Variants in CSMD1 observed in about 807,000 individuals in gnomAD.
CSMD1 encodes CUB and sushi domain-containing protein 1.
In CSMD1, 213 loss-of-function variants were observed where a neutral mutation model predicts 417.5. The ratio of observed to expected loss-of-function variants is 0.51; its 90% CI spans 0.46 to 0.57. The LOEUF is 0.57. Among genes scored for constraint, CSMD1 ranks in the 20% least tolerant of loss-of-function variants. The probability of loss-of-function intolerance (pLI) is 0.00; values close to 1 mark genes in which losing one functional copy is unlikely to be tolerated. For synonymous variants in CSMD1, 2,862 were observed against 1,736.8 expected (o/e 1.65, Z -16.11); for missense variants, 6,923 against 4,529.7 (o/e 1.53, Z -15.17).
chr8:4,866,861 A>G (rs1264826379), intron 1 of CSMD1, among the ~76,000 whole-genome samples: 13 of 152,036 alleles, frequency 8.6e-5, no homozygotes, highest in East Asian at 1.9e-4. Flanking sequence ...TACCATTAAT[A>G]TAAAACTTTT....
chr8:4,470,013 G>A (rs1031459030), intron 2 of CSMD1, among the ~76,000 whole-genome samples: 1 of 151,774 alleles, frequency 6.6e-6, no homozygotes, highest in South Asian at 2.1e-4. Context: ...GATTACAGGC[G>A]CCCGCTAACA....
At chr8:3,606,707 G>A (rs984597252) in intron 8 of CSMD1, among the ~76,000 whole-genome samples, 14 of 112,352 alleles carry the variant, frequency 1.2e-4, no homozygotes, top group Admixed American at 3.9e-4. Flanking sequence ...ATTTTACTTC[G>A]TTACAATTTT....
At chr8:4,673,722 T>C (rs571850455) in intron 1 of CSMD1, among the ~76,000 whole-genome samples, 252 of 152,326 alleles carry the variant, frequency 1.7e-3, no homozygotes, top group Non-Finnish European at 3.0e-3. Flanking sequence ...CAATTAAATC[T>C]TGACGACATA....
At chr8:3,361,154 T>C (rs1563310470) in intron 20 of CSMD1, among the ~76,000 whole-genome samples, 4 of 152,230 alleles carry the variant, frequency 2.6e-5, no homozygotes, top group South Asian at 2.1e-4. Flanking sequence ...TGTCATTTAA[T>C]TGAACTCAAC....
rs1288096798 is a variant in CSMD1 at position 4,420,049 on chromosome 8, G to C, written c.319C>G (p.Leu107Val). Reference sequence around the variant, plus strand: ...CCTGTACTCACTATAGAGGAGGGCAGCTGAAATCCCGATAATCTAAATTTA... The same window carrying C: ...CCTGTACTCACTATAGAGGAGGGCACCTGAAATCCCGATAATCTAAATTTA... Reference protein sequence around the residue: ...NLKVRLSGFQLPSSIVSTGSI... With the variant: ...NLKVRLSGFQVPSSIVSTGSI... The change falls in exon 3 of 70, where the codon CTG (leucine) becomes GTG (valine). Residue 107 changes from leucine (L) to valine (V), a missense_variant. Transcript: ENST00000635120. 5 of 1,568,462 alleles carry C rather than the reference G, an allele frequency of 3.2e-6. No homozygotes were observed. The highest frequency in any genetic ancestry group is 1.2e-5 in the South Asian group (1 of 85,288).
intron 3 of CSMD1, among the ~76,000 whole-genome samples, chr8:4,058,106 T>G (rs1245630088): frequency 6.6e-6 from 1 of 152,150 alleles, no homozygotes; most frequent in Non-Finnish European, 1.5e-5. Flanking sequence ...TGGCATTGAA[T>G]CTATAAATTA....
At chr8:3,747,441 A>C (rs565639642) in intron 6 of CSMD1, among the ~76,000 whole-genome samples, 1 of 152,238 alleles carries the variant, frequency 6.6e-6, no homozygotes, top group South Asian at 2.1e-4. Flanking sequence ...ATGGTCATCC[A>C]TGCGAACACA....
At chr8:4,789,889 G>C (rs1797600016) in intron 1 of CSMD1, among the ~76,000 whole-genome samples, 1 of 152,134 alleles carries the variant, frequency 6.6e-6, no homozygotes, top group Non-Finnish European at 1.5e-5. Context: ...ACTTGCCTAA[G>C]TAATAGAATT....
At chr8:3,947,638 CTG>C (rs1335459230) in intron 5 of CSMD1, among the ~76,000 whole-genome samples, 14 of 127,144 alleles carry the variant, frequency 1.1e-4, no homozygotes, top group African/African-American at 3.4e-4. Context: ...CCCACATATT[CTG>C]TTATCAATTT....
chr8:4,276,772 C>A (rs991641429), intron 3 of CSMD1, among the ~76,000 whole-genome samples: 1 of 151,948 alleles, frequency 6.6e-6, no homozygotes, highest in Admixed American at 6.6e-5. Flanking sequence ...GAAGGAAAAC[C>A]CTCAGGGGAA....
intron 10 of CSMD1, among the ~76,000 whole-genome samples, chr8:3,531,980 T>C (rs1441453217): frequency 6.6e-6 from 1 of 152,186 alleles, no homozygotes; most frequent in African/African-American, 2.4e-5. Context: ...GAATGGGGGA[T>C]CCCACAGATT....
chr8:3,566,306 T>A (rs948647586), intron 10 of CSMD1, among the ~76,000 whole-genome samples: 6 of 152,080 alleles, frequency 3.9e-5, no homozygotes, highest in African/African-American at 1.4e-4. Context: ...ATTTGGCAAA[T>A]AATATTCTAG....
intron 3 of CSMD1, among the ~76,000 whole-genome samples, chr8:4,119,188 C>G (rs941183529): frequency 6.6e-6 from 1 of 151,986 alleles, no homozygotes; most frequent in African/African-American, 2.4e-5. Context: ...AGCAAACCAT[C>G]GTGGCACACA....
chr8:4,683,826 G>C (rs1806195812), intron 1 of CSMD1, among the ~76,000 whole-genome samples: 2 of 152,250 alleles, frequency 1.3e-5, no homozygotes, highest in South Asian at 2.1e-4. Context: ...ATAAGAACAA[G>C]TAGACAATTA....
intron 7 of CSMD1, among the ~76,000 whole-genome samples, chr8:3,681,529 G>GAAATA (rs1165411404): frequency 6.6e-6 from 1 of 152,164 alleles, no homozygotes; most frequent in Non-Finnish European, 1.5e-5. Flanking sequence ...ACTGCTCAAT[G>GAAATA]AAATAAAAGA....
At chr8:3,672,065 T>A (rs1252102734) in intron 7 of CSMD1, among the ~76,000 whole-genome samples, 1 of 152,200 alleles carries the variant, frequency 6.6e-6, no homozygotes, top group Non-Finnish European at 1.5e-5. Context: ...CAACATCTTA[T>A]CTTACTTTCA....
chr8:4,826,244 T>C (rs907644521), intron 1 of CSMD1, among the ~76,000 whole-genome samples: 4 of 152,006 alleles, frequency 2.6e-5, no homozygotes, highest in African/African-American at 7.2e-5. Context: ...TAAATATCCA[T>C]TGACAGATGA....
At chr8:4,924,564 A>G (rs1056938387) in intron 1 of CSMD1, among the ~76,000 whole-genome samples, 1 of 152,090 alleles carries the variant, frequency 6.6e-6, no homozygotes. Context: ...TCTACTAAAA[A>G]TACAAAAATT....
intron 6 of CSMD1, among the ~76,000 whole-genome samples, chr8:3,748,643 T>G (rs1400119549): frequency 6.6e-6 from 1 of 152,224 alleles, no homozygotes; most frequent in Non-Finnish European, 1.5e-5. Flanking sequence ...AAACTGCATT[T>G]CAAATCTCAG....
Sources: gnomAD v4.1 joint callset for allele counts (sites outside exome capture counted in the v4.1 genomes callset) on GRCh38, gnomAD v4.1.1 for gene constraint, MANE v1.5 for transcripts, NCBI Gene and HGNC (gene_info 2026-07-23, HGNC 2026-07-21) for gene names.